KCND3: variants seen among roughly 807,000 people sequenced by gnomAD.
KCND3 encodes potassium voltage-gated channel subfamily D member 3, also known as A-type voltage-gated potassium channel KCND3.
Under a neutral mutation model 51.1 loss-of-function variants are expected in KCND3, and 9 were observed. That is an observed-to-expected ratio of 0.18 (90% CI 0.11 to 0.31). KCND3 has a LOEUF of 0.31. Ranked by LOEUF, KCND3 falls within the 10% of genes least tolerant of loss-of-function variation. The pLI is 1.00. For synonymous variants in KCND3, 349 were observed against 368.0 expected (o/e 0.95, Z 0.59); for missense variants, 526 against 903.8 (o/e 0.58, Z 5.36).
At chr1:111,988,560 A>G (rs548481837) in intron 1 of KCND3, among the ~76,000 whole-genome samples, 1 of 152,302 alleles carries the variant, frequency 6.6e-6, no homozygotes, top group South Asian at 2.1e-4. Context: ...GAATTCGTGG[A>G]CACCCAGGAG....
At chr1:111,914,867 A>G (rs1299819736) in intron 2 of KCND3, among the ~76,000 whole-genome samples, 1 of 152,224 alleles carries the variant, frequency 6.6e-6, no homozygotes, top group Non-Finnish European at 1.5e-5. Context: ...GTAAATTGAA[A>G]TAAATTTTGT....
In KCND3 at chr1:111,772,036, AAATCCTAGGACAAGATG is replaced by A. The variant is rs1663948172; in HGVS notation, c.*4024_*4040del. The A allele has an allele frequency of 6.6e-6, 1 of 152,162 alleles. No individual in the cohort carries two copies. The highest frequency in any genetic ancestry group is 2.4e-5 in the African/African-American group (1 of 41,446). The allele number at this position is 152,162 out of a possible 1,614,324, so 9.4% of individuals were successfully genotyped here. A position where few individuals can be genotyped will look rare whatever the true frequency, so the allele number is the denominator to read the frequency against. The stretch of plus-strand genomic sequence containing the variant: ...AGCAGTGCAATATAATGTGGAGGAA[AAATCCTAGGACAAGATG>A]TCTTAAGTCCTGGATTGCAATAATG... On this transcript the variant is annotated 3_prime_UTR_variant, in exon 8 of 8. Transcript: ENST00000302127.
rs537479903 is a variant in KCND3, at chr1:111,837,852, T to C, written c.1107-50746A>G. On this transcript the variant is annotated intron_variant, in intron 2 of 7. Transcript: ENST00000302127. ...AGACTTTCTTTGATTTTGATGACAC[T>C]GAGAGTGTTGAAGAGTACTGGTCAG... Among the ~76,000 whole-genome samples, 27 of 152,336 alleles carry C rather than the reference T, an allele frequency of 1.8e-4. No individual in the cohort carries two copies. The South Asian group carries it at 4.6e-3, about 26-fold the overall frequency.
intron 2 of KCND3, among the ~76,000 whole-genome samples, chr1:111,902,303 G>A (rs766361168): frequency 1.3e-5 from 2 of 152,214 alleles, no homozygotes; most frequent in Non-Finnish European, 2.9e-5. Context: ...TGAGGAGGAC[G>A]TGACTTAACA....
intron 2 of KCND3, among the ~76,000 whole-genome samples, chr1:111,842,944 T>C (rs945140999): frequency 3.3e-5 from 5 of 152,212 alleles, no homozygotes; most frequent in Admixed American, 1.3e-4. Flanking sequence ...AGGGCAAAGA[T>C]TATGCTATGT....
intron 2 of KCND3, among the ~76,000 whole-genome samples, chr1:111,942,199 T>C (rs1672557193): frequency 6.6e-6 from 1 of 152,232 alleles, no homozygotes. Context: ...CCTTTTAATC[T>C]GCTCATCTAT....
chr1:111,875,208 A>C (rs559291608), intron 2 of KCND3, among the ~76,000 whole-genome samples: 1 of 152,308 alleles, frequency 6.6e-6, no homozygotes, highest in African/African-American at 2.4e-5. Context: ...TCCTAGTTGG[A>C]TCTAAGACTT....
At chr1:111,885,514 T>C (rs1235542246) in intron 2 of KCND3, among the ~76,000 whole-genome samples, 2 of 152,108 alleles carry the variant, frequency 1.3e-5, no homozygotes, top group African/African-American at 2.4e-5. Flanking sequence ...AATATAAAAA[T>C]GAATTTTGAT....
rs1299109509 is a variant in KCND3 at position 111,770,803 on chromosome 1, AG to A, written c.*5273del. On this transcript the variant is annotated 3_prime_UTR_variant, in exon 8 of 8. Transcript: ENST00000302127. ...TCAAAAGAAGACGACAGGAAACTCA[AG>A]GGTGTTTTTTTTTTTTCATAGAAAG... is the stretch of plus-strand genomic sequence containing the variant. 7.1e-5 allele frequency: 8 copies of A among 111,892 alleles called. No homozygotes were observed. The East Asian group carries it at 1.8e-3, about 25-fold the overall frequency. 6.9% of individuals were successfully genotyped at this position (111,892 alleles called of 1,614,324 possible). A position where few individuals can be genotyped will look rare whatever the true frequency, so the allele number is the denominator to read the frequency against.
chr1:111,948,260 G>A (rs1487666537), intron 2 of KCND3, among the ~76,000 whole-genome samples: 1 of 152,192 alleles, frequency 6.6e-6, no homozygotes, highest in Non-Finnish European at 1.5e-5. Flanking sequence ...GGGCTCCCCT[G>A]CCAGAGATGA....
intron 2 of KCND3, among the ~76,000 whole-genome samples, chr1:111,947,775 C>T (rs946393672): frequency 2.8e-4 from 42 of 152,270 alleles, no homozygotes; most frequent in African/African-American, 8.2e-4. Context: ...TAACCTATAT[C>T]GGTAGACCAG....
At position 111,775,818 on chromosome 1, in the gene KCND3, G is replaced by GTGCCCCCCC; in HGVS notation, c.*258_*259insGGGGGGGCA. 1 of 99,730 alleles carries GTGCCCCCCC rather than the reference G, an allele frequency of 1.0e-5. No individual in the cohort carries two copies. 6.2% of individuals were successfully genotyped at this position (99,730 alleles called of 1,614,324 possible). ...AGCCTATATCCCCCGGCCTATCCCC[G>GTGCCCCCCC]ACCCCCCCACCCTCCCTCCCTTCCT... is the stretch of plus-strand genomic sequence containing the variant. On this transcript the variant is annotated 3_prime_UTR_variant, in exon 8 of 8. Transcript: ENST00000302127.
intron 2 of KCND3, among the ~76,000 whole-genome samples, chr1:111,831,086 A>G (rs1242203889): frequency 6.6e-6 from 1 of 152,246 alleles, no homozygotes; most frequent in African/African-American, 2.4e-5. Context: ...AAGGTTTTCC[A>G]CACTTGCTTT....
intron 2 of KCND3, among the ~76,000 whole-genome samples, chr1:111,901,818 C>T (rs1011852491): frequency 6.6e-6 from 1 of 152,156 alleles, no homozygotes; most frequent in African/African-American, 2.4e-5. Flanking sequence ...ACCCTGAAAG[C>T]ATAATCTCTC....
At chr1:111,921,879 A>G (rs572028849) in intron 2 of KCND3, among the ~76,000 whole-genome samples, 1 of 152,304 alleles carries the variant, frequency 6.6e-6, no homozygotes, top group Non-Finnish European at 1.5e-5. Flanking sequence ...GATCAACAGG[A>G]TAAACCAGGG....
rs370213370 is a variant in KCND3 at position 111,772,706 on chromosome 1, C to T, written c.*3371G>A. ...TAGTTCTGATATGCTCTTAATACTA[C>T]ATTTTCTAGGTTCACATTCATTTGA... On this transcript the variant is annotated 3_prime_UTR_variant, in exon 8 of 8. Transcript: ENST00000302127. 8 of 152,166 alleles carry T rather than the reference C, an allele frequency of 5.3e-5. No homozygotes were observed. Among genetic ancestry groups the T allele is most frequent in the East Asian group, 3.8e-4 (2 of 5,204 alleles). 9.4% of individuals were successfully genotyped at this position (152,166 alleles called of 1,614,324 possible).
chr1:111,895,992 C>G (rs1670092259), intron 2 of KCND3, among the ~76,000 whole-genome samples: 1 of 152,214 alleles, frequency 6.6e-6, no homozygotes, highest in Admixed American at 6.5e-5. Flanking sequence ...ACTTCCAGGA[C>G]TAAGATAAAA....
rs879803598 is a variant in KCND3, at chr1:111,885,175, A to G, written c.1106+96446T>C. 1.2e-4 allele frequency among the ~76,000 whole-genome samples: 18 copies of G among 152,158 alleles called. No individual in the cohort carries two copies. The Middle Eastern group carries it at 9.5e-3, about 80-fold the overall frequency. On this transcript the variant is annotated intron_variant, in intron 2 of 7. Coordinates refer to ENST00000302127, the MANE Select transcript of KCND3 (RefSeq NM_001378969.1). ...GACATTATCTTTGTGACTAAGGAGG[A>G]GGAAGGTGGGCTGAGAATGAGCCTA...
intron 2 of KCND3, among the ~76,000 whole-genome samples, chr1:111,808,860 T>C (rs1665700954): frequency 6.6e-6 from 1 of 152,248 alleles, no homozygotes; most frequent in Non-Finnish European, 1.5e-5. Flanking sequence ...AACCAAGATG[T>C]GCCTTGCCAA....
Sources: gnomAD v4.1 joint callset for allele counts (sites outside exome capture counted in the v4.1 genomes callset) on GRCh38, gnomAD v4.1.1 for gene constraint, MANE v1.5 for transcripts, NCBI Gene and HGNC (gene_info 2026-07-23, HGNC 2026-07-21) for gene names.